Variants in TLK2 observed in about 807,000 individuals in gnomAD.
TLK2 encodes the protein serine/threonine-protein kinase tousled-like 2.
In TLK2, 6 loss-of-function variants were observed where a neutral mutation model predicts 117.3. The observed-to-expected ratio is 0.05, with a 90% CI of 0.03 to 0.10. TLK2 has a LOEUF of 0.10. TLK2 is among the 10% of genes least tolerant of loss of function. The pLI, the probability that TLK2 is intolerant of heterozygous loss-of-function variation, is 1.00. For missense variants in TLK2, 299 were observed against 901.2 expected (o/e 0.33, Z 8.56); for synonymous variants, 257 against 316.7 (o/e 0.81, Z 2.00).
intron 2 of TLK2, among the ~76,000 whole-genome samples, chr17:62,495,793 G>A (rs2073611549): frequency 6.6e-6 from 1 of 151,436 alleles, no homozygotes; most frequent in South Asian, 2.1e-4. Flanking sequence ...CGAGTAGCTC[G>A]GATTATGGGC....
chr17:62,482,697 C>G (rs1472802834), intron 2 of TLK2, among the ~76,000 whole-genome samples: 3 of 152,140 alleles, frequency 2.0e-5, no homozygotes, highest in African/African-American at 7.2e-5. Flanking sequence ...AGTGATCTGC[C>G]TGTCTTGGTG....
intron 9 of TLK2, among the ~76,000 whole-genome samples, chr17:62,555,835 G>A (rs1187296456): frequency 6.6e-6 from 1 of 152,034 alleles, no homozygotes; most frequent in Non-Finnish European, 1.5e-5. Flanking sequence ...CACCCAGGCT[G>A]GAGTGCAGTG....
chr17:62,485,816 G>GTTTTTTT (rs879159414), intron 2 of TLK2, among the ~76,000 whole-genome samples: 4 of 122,562 alleles, frequency 3.3e-5, no homozygotes, highest in Non-Finnish European at 6.8e-5. Flanking sequence ...TAATTTTCTG[G>GTTTTTTT]TTTTTTTTTT....
chr17:62,539,822 C>G (rs2077379388), intron 7 of TLK2, among the ~76,000 whole-genome samples: 1 of 152,062 alleles, frequency 6.6e-6, no homozygotes, highest in Admixed American at 6.5e-5. Flanking sequence ...TCATCTAGTT[C>G]CTTTGTTACT....
intron 15 of TLK2, among the ~76,000 whole-genome samples, chr17:62,584,241 C>T (rs2081441328): frequency 1.3e-5 from 2 of 150,296 alleles, no homozygotes; most frequent in South Asian, 4.2e-4. Context: ...CTCAGCTTCC[C>T]AAGTAGCTGG....
In TLK2 at chr17:62,574,357, G is replaced by T. The variant is rs1417194161; in HGVS notation, c.1121+990G>T. The T allele has an allele frequency of 2.6e-6, 4 of 1,550,334 alleles. No individual in the cohort carries two copies. In the South Asian group the frequency reaches 3.5e-5, roughly 14 times the overall value. Reference sequence around the variant, plus strand: ...TATTTTATGCTAGGCCCTCTTCTGGGAATACAGAGCTAAAGGATACAGCCC... The same window carrying T: ...TATTTTATGCTAGGCCCTCTTCTGGTAATACAGAGCTAAAGGATACAGCCC... On this transcript the variant is annotated intron_variant, in intron 12 of 21. Coordinates refer to ENST00000346027, the MANE Select transcript of TLK2 (RefSeq NM_006852.6).
chr17:62,559,785 G>T, intron 9 of TLK2, among the ~76,000 whole-genome samples: 1 of 152,108 alleles, frequency 6.6e-6, no homozygotes, highest in Non-Finnish European at 1.5e-5. Context: ...AGAAAAACAT[G>T]CCCAAATTAG....
chr17:62,511,439 T>A lies in TLK2; in HGVS notation c.82-9334T>A, dbSNP rs181740349. 3.4e-3 allele frequency among the ~76,000 whole-genome samples: 525 copies of A among 152,304 alleles called. 3 individuals are homozygous for A. The highest frequency in any genetic ancestry group is 0.012 in the African/African-American group (490 of 41,544). ...AGGCTGGAATGCAGTGGTGCAATCT[T>A]AGCTCACTGCAGCCTCTGCCTCCTG... On this transcript the variant is annotated intron_variant, in intron 2 of 21. Coordinates refer to ENST00000346027, the MANE Select transcript of TLK2 (RefSeq NM_006852.6).
At chr17:62,479,838 C>G (rs1413732005) in intron 1 of TLK2, among the ~76,000 whole-genome samples, 1 of 152,216 alleles carries the variant, frequency 6.6e-6, no homozygotes, top group Admixed American at 6.5e-5. Context: ...GGAAGTGTTG[C>G]GAGAGACCTT....
chr17:62,545,630 A>G (rs1050817430), intron 7 of TLK2, among the ~76,000 whole-genome samples: 5 of 152,056 alleles, frequency 3.3e-5, no homozygotes, highest in Non-Finnish European at 7.4e-5. Flanking sequence ...AAAAAGAGAA[A>G]AAGTATCATG....
At chr17:62,602,706 A>G (rs2082957068) in intron 19 of TLK2, among the ~76,000 whole-genome samples, 1 of 152,224 alleles carries the variant, frequency 6.6e-6, no homozygotes, top group African/African-American at 2.4e-5. Flanking sequence ...TCTGTTAGCC[A>G]TGATCTAAAA....
chr17:62,498,897 C>CG (rs1305568859), intron 2 of TLK2, among the ~76,000 whole-genome samples: 4 of 152,152 alleles, frequency 2.6e-5, no homozygotes, highest in Non-Finnish European at 5.9e-5. Context: ...CAGTCTCTCT[C>CG]TGTCACCCAG....
At chr17:62,499,069 A>AGT (rs1434133409) in intron 2 of TLK2, among the ~76,000 whole-genome samples, 1 of 151,934 alleles carries the variant, frequency 6.6e-6, no homozygotes, top group Non-Finnish European at 1.5e-5. Flanking sequence ...GGCCAGGCGC[A>AGT]GTGACTCATG....
chr17:62,574,499 A>G (rs985270999), intron 12 of TLK2: 8 of 716,274 alleles, frequency 1.1e-5, no homozygotes, highest in African/African-American at 9.6e-5. Context: ...CTTCATTCAT[A>G]TAACTCCAAA....
At chr17:62,547,740 T>C (rs924071979) in intron 7 of TLK2, among the ~76,000 whole-genome samples, 1 of 152,188 alleles carries the variant, frequency 6.6e-6, no homozygotes, top group Non-Finnish European at 1.5e-5. Context: ...TTTAAACCCA[T>C]ATACCATATA....
chr17:62,559,683 A>G (rs1353795777), intron 9 of TLK2, among the ~76,000 whole-genome samples: 1 of 151,996 alleles, frequency 6.6e-6, no homozygotes, highest in Non-Finnish European at 1.5e-5. Flanking sequence ...CAGCTTTAAC[A>G]TTTTTTTAAT....
upstream of TLK2, among the ~76,000 whole-genome samples, chr17:62,473,953 T>C (rs184730920): frequency 5.1e-4 from 78 of 152,286 alleles, no homozygotes; most frequent in Non-Finnish European, 9.1e-4. Flanking sequence ...TGGAGTACAA[T>C]GGTGGGTTCT....
At chr17:62,560,294 C>G (rs1306687692) in intron 10 of TLK2, 168 bp downstream of exon 10, 1 of 424,504 alleles carries the variant, frequency 2.4e-6, no homozygotes, top group Non-Finnish European at 4.3e-6. Context: ...GACCAACCAT[C>G]CAGAGTGTTA....
At chr17:62,525,370 C>G (rs1197717752) in intron 6 of TLK2, among the ~76,000 whole-genome samples, 3 of 151,992 alleles carry the variant, frequency 2.0e-5, no homozygotes, top group Non-Finnish European at 4.4e-5. Flanking sequence ...TATTAAAGCA[C>G]TTATGAAAAC....
Sources: gnomAD v4.1 joint callset for allele counts (sites outside exome capture counted in the v4.1 genomes callset) on GRCh38, gnomAD v4.1.1 for gene constraint, MANE v1.5 for transcripts, NCBI Gene and HGNC (gene_info 2026-07-23, HGNC 2026-07-21) for gene names.